The following TTC27 variants were observed in gnomAD, a reference collection of about 807,000 sequenced individuals.
The protein encoded by TTC27 is tetratricopeptide repeat protein 27.
A neutral mutation model predicts 115.9 loss-of-function variants in TTC27; 79 were observed. The ratio of observed to expected loss-of-function variants is 0.68; its 90% confidence interval spans 0.57 to 0.82. The LOEUF (loss-of-function observed/expected upper bound fraction) is 0.82, where lower values mean the gene tolerates loss of function less well. Ranked by LOEUF, TTC27 falls within the 40% of genes least tolerant of loss-of-function variation. TTC27 has a pLI of 0.00. For missense variants in TTC27, 1,054 were observed against 993.1 expected (o/e 1.06, Z -0.82); for synonymous variants, 401 against 356.0 (o/e 1.13, Z -1.42).
intron 13 of TTC27, among the ~76,000 whole-genome samples, chr2:32,761,070 T>C (rs79013376): frequency 3.4e-4 from 52 of 152,298 alleles, no homozygotes; most frequent in Non-Finnish European, 6.9e-4. Flanking sequence ...ACGCCAGTAC[T>C]TAACTGCTTA....
At chr2:32,730,829 C>T (rs1668269540) in intron 10 of TTC27, among the ~76,000 whole-genome samples, 1 of 151,896 alleles carries the variant, frequency 6.6e-6, no homozygotes, top group Non-Finnish European at 1.5e-5. Flanking sequence ...ACCATGTTGG[C>T]CAGGTTGTTC....
intron 18 of TTC27, among the ~76,000 whole-genome samples, chr2:32,814,810 C>A (rs1671443089): frequency 1.3e-5 from 2 of 152,162 alleles, no homozygotes; most frequent in African/African-American, 4.8e-5. Context: ...GTAGGCTATA[C>A]CATCTAGGTT....
intron 10 of TTC27, among the ~76,000 whole-genome samples, chr2:32,732,698 C>T (rs139258732): frequency 1.6e-4 from 25 of 152,204 alleles, no homozygotes; most frequent in Admixed American, 6.5e-4. Context: ...TTTTGCATCC[C>T]GAAGTTTTGG....
At chr2:32,703,916 A>G (rs1450790944) in intron 10 of TTC27, among the ~76,000 whole-genome samples, 1 of 152,226 alleles carries the variant, frequency 6.6e-6, no homozygotes, top group African/African-American at 2.4e-5. Flanking sequence ...TCTAAGATCA[A>G]GGTGCTGGCA....
chr2:32,708,182 C>A (rs898944663), intron 10 of TTC27, among the ~76,000 whole-genome samples: 2 of 151,940 alleles, frequency 1.3e-5, no homozygotes, highest in Non-Finnish European at 1.5e-5. Context: ...GCTTCTCCTC[C>A]TCAGCCTACT....
intron 12 of TTC27, among the ~76,000 whole-genome samples, chr2:32,754,686 G>C (rs898889532): frequency 6.6e-6 from 1 of 151,584 alleles, no homozygotes; most frequent in East Asian, 2.0e-4. Context: ...GGTCGTGGCC[G>C]GGCAGAGGGG....
At chr2:32,689,520 A>G (rs1250341186) in intron 9 of TTC27, among the ~76,000 whole-genome samples, 2 of 152,082 alleles carry the variant, frequency 1.3e-5, no homozygotes, top group East Asian at 1.9e-4. Flanking sequence ...TAGTGTTCAC[A>G]TTCGTTATGA....
rs572161631 is a variant in TTC27, at chr2:32,800,278, C to T, written c.1999-10746C>T. Among the ~76,000 whole-genome samples, 3 of 152,258 alleles carry T rather than the reference C, an allele frequency of 2.0e-5. No individual in the cohort carries two copies. In the South Asian group the frequency reaches 6.2e-4, roughly 32 times the overall value. ...TCTCAGCTCACTGCAACCTCCGCCT[C>T]CCAGGTTCAAGTGATTCTCCTGCCT... On this transcript the variant is annotated intron_variant, in intron 16 of 19. Coordinates refer to ENST00000317907, the MANE Select transcript of TTC27 (RefSeq NM_017735.5).
At chr2:32,748,876 C>T (rs532793069) in intron 12 of TTC27, among the ~76,000 whole-genome samples, 6 of 151,770 alleles carry the variant, frequency 4.0e-5, no homozygotes, top group East Asian at 3.9e-4. Context: ...TTAGTAGAGA[C>T]GGGGTTTCAC....
intron 16 of TTC27, among the ~76,000 whole-genome samples, chr2:32,801,014 C>A (rs1670913202): frequency 6.6e-6 from 1 of 152,144 alleles, no homozygotes; most frequent in South Asian, 2.1e-4. Flanking sequence ...GGACTTCTGG[C>A]CAGTGAGTGG....
intron 9 of TTC27, among the ~76,000 whole-genome samples, chr2:32,692,210 C>T (rs560921401): frequency 1.3e-5 from 2 of 151,662 alleles, no homozygotes; most frequent in Non-Finnish European, 2.9e-5. Context: ...AATCCACCAA[C>T]TTTCTGAGGG....
intron 16 of TTC27, among the ~76,000 whole-genome samples, chr2:32,801,953 T>C (rs1670957538): frequency 6.6e-6 from 1 of 152,196 alleles, no homozygotes; most frequent in African/African-American, 2.4e-5. Flanking sequence ...TCCCAGGTCA[T>C]GTGGGACAAA....
intron 13 of TTC27, among the ~76,000 whole-genome samples, chr2:32,769,904 G>T (rs540203633): frequency 1.5e-4 from 23 of 152,290 alleles, no homozygotes; most frequent in Admixed American, 5.2e-4. Context: ...ATAGCATTGT[G>T]TGTAGCCAAG....
At chr2:32,752,681 A>T (rs1038147571) in intron 12 of TTC27, among the ~76,000 whole-genome samples, 1 of 152,152 alleles carries the variant, frequency 6.6e-6, no homozygotes, top group East Asian at 1.9e-4. Flanking sequence ...GCAGTGAGGG[A>T]TGGAAGGGTA....
chr2:32,717,065 A>G (rs1197027314), intron 10 of TTC27, among the ~76,000 whole-genome samples: 3 of 150,008 alleles, frequency 2.0e-5, no homozygotes, highest in Non-Finnish European at 4.4e-5. Context: ...GTGCAGTGGC[A>G]TGATCACAGC....
At position 32,758,537 on chromosome 2, in the gene TTC27, C is replaced by G; in HGVS notation, c.1680+18C>G. ...CCATGCAGGTTAGACAACTCATAAC[C>G]CCCTGCTGCTCTCAGCGCTTGTGCT... is the stretch of plus-strand genomic sequence containing the variant. On this transcript the variant is annotated intron_variant, in intron 13 of 19. Coordinates refer to ENST00000317907, the MANE Select transcript of TTC27 (RefSeq NM_017735.5). 1.2e-6 allele frequency: 2 copies of G among 1,606,690 alleles called. No individual in the cohort carries two copies. Among genetic ancestry groups the G allele is most frequent in the Non-Finnish European group, 1.7e-6 (2 of 1,173,534 alleles).
At chr2:32,770,567 C>T (rs1325354532) in intron 13 of TTC27, among the ~76,000 whole-genome samples, 1 of 152,172 alleles carries the variant, frequency 6.6e-6, no homozygotes, top group African/African-American at 2.4e-5. Context: ...TCATCAGAAG[C>T]AAAGTGAGAA....
At chr2:32,810,368 A>G (rs1482727377) in intron 16 of TTC27, among the ~76,000 whole-genome samples, 1 of 152,208 alleles carries the variant, frequency 6.6e-6, no homozygotes, top group Non-Finnish European at 1.5e-5. Context: ...GTTGTCCTAA[A>G]TAGGACATTA....
At chr2:32,819,061 C>T (rs987945468) in intron 19 of TTC27, among the ~76,000 whole-genome samples, 3 of 152,150 alleles carry the variant, frequency 2.0e-5, no homozygotes, top group Admixed American at 6.5e-5. Context: ...GCTTTGTTTC[C>T]TACTTTTGAT....
Sources: gnomAD v4.1 joint callset for allele counts (sites outside exome capture counted in the v4.1 genomes callset) on GRCh38, gnomAD v4.1.1 for gene constraint, MANE v1.5 for transcripts, NCBI Gene and HGNC (gene_info 2026-07-23, HGNC 2026-07-21) for gene names.